RGPD2: variants seen among roughly 807,000 people sequenced by gnomAD.
RGPD2 encodes RANBP2-like and GRIP domain-containing protein 2.
Under a neutral mutation model 36.0 loss-of-function variants are expected in RGPD2, and 2 were observed. The ratio of observed to expected loss-of-function variants is 0.06; its 90% CI spans 0.02 to 0.17. The LOEUF (loss-of-function observed/expected upper bound fraction) is 0.17. Among genes scored for constraint, RGPD2 ranks in the 10% least tolerant of loss-of-function variants. The probability of loss-of-function intolerance (pLI) is 1.00; values close to 1 mark genes in which losing one functional copy is unlikely to be tolerated. For synonymous variants in RGPD2, 19 were observed against 163.8 expected (o/e 0.12, Z 6.75); for missense variants, 40 against 464.3 (o/e 0.09, Z 8.40).
chr2:87,830,295 G>A (rs570472255), upstream of RGPD2, among the ~76,000 whole-genome samples: 1 of 152,270 alleles, frequency 6.6e-6, no homozygotes, highest in African/African-American at 2.4e-5. Flanking sequence ...ACTTCTGCCT[G>A]GACATCCAGG....
the RGPD2 span, among the ~76,000 whole-genome samples, chr2:87,906,706 G>A: frequency 6.6e-6 from 1 of 150,422 alleles, no homozygotes; most frequent in Admixed American, 6.6e-5. Flanking sequence ...TAAATCACCT[G>A]CATATATTTC....
chr2:87,854,979 A>G, the RGPD2 span, among the ~76,000 whole-genome samples: 71 of 152,132 alleles, frequency 4.7e-4, no homozygotes, highest in African/African-American at 1.7e-3. Context: ...TTCCATAACC[A>G]CACATAGGTA....
At chr2:87,947,902 T>C in the RGPD2 span, among the ~76,000 whole-genome samples, 107 of 152,240 alleles carry the variant, frequency 7.0e-4, no homozygotes, top group African/African-American at 2.5e-3. Context: ...AAGGCAATCG[T>C]ATAATCTAAC....
intron 22 of RGPD2, among the ~76,000 whole-genome samples, chr2:87,762,342 C>T (rs2104232302): frequency 1.1e-5 from 1 of 91,910 alleles, no homozygotes; most frequent in South Asian, 4.0e-4. Context: ...AAGTTTGAGA[C>T]CAGTTTTGCC....
At chr2:87,831,178 A>G in the RGPD2 span, among the ~76,000 whole-genome samples, 1 of 152,220 alleles carries the variant, frequency 6.6e-6, no homozygotes, top group African/African-American at 2.4e-5. Flanking sequence ...AACTTAGGCC[A>G]TATAAAATAT....
the RGPD2 span, among the ~76,000 whole-genome samples, chr2:87,878,144 T>G: frequency 6.6e-6 from 1 of 152,286 alleles, no homozygotes; most frequent in African/African-American, 2.4e-5. Context: ...CTATTCTCCC[T>G]ATCTCTTTCA....
the RGPD2 span, among the ~76,000 whole-genome samples, chr2:87,960,202 C>A: frequency 9.2e-5 from 14 of 151,938 alleles, no homozygotes; most frequent in East Asian, 2.1e-3. Flanking sequence ...ATGATTCAGT[C>A]TTCCTCACCA....
At chr2:87,885,974 T>C in the RGPD2 span, among the ~76,000 whole-genome samples, 1 of 151,926 alleles carries the variant, frequency 6.6e-6, no homozygotes, top group Admixed American at 6.6e-5. Flanking sequence ...GGTCACAGAA[T>C]CGTTCTTTGT....
At chr2:87,880,971 C>G in the RGPD2 span, among the ~76,000 whole-genome samples, 1 of 144,598 alleles carries the variant, frequency 6.9e-6, no homozygotes, top group Non-Finnish European at 1.5e-5. Context: ...AAGAAATCAG[C>G]CAAAGGGAAG....
the RGPD2 span, among the ~76,000 whole-genome samples, chr2:87,915,385 G>A: frequency 2.9e-4 from 32 of 109,034 alleles, 1 homozygote; most frequent in Non-Finnish European, 3.2e-4. Context: ...TATATATATT[G>A]TATATATATG....
At chr2:87,860,326 A>G in the RGPD2 span, among the ~76,000 whole-genome samples, 1 of 151,962 alleles carries the variant, frequency 6.6e-6, no homozygotes, top group African/African-American at 2.4e-5. Flanking sequence ...CAGAAAGGGC[A>G]GGTAAATATC....
At chr2:87,837,073 C>T in the RGPD2 span, among the ~76,000 whole-genome samples, 1 of 151,988 alleles carries the variant, frequency 6.6e-6, no homozygotes, top group African/African-American at 2.4e-5. Context: ...CCCCCAGATT[C>T]ATCAAACAAG....
the RGPD2 span, among the ~76,000 whole-genome samples, chr2:87,983,207 CT>C: frequency 2.2e-4 from 34 of 152,290 alleles, no homozygotes; most frequent in East Asian, 6.4e-3. Context: ...GTAATCCCAG[CT>C]ACTCGGGAGG....
chr2:87,957,236 T>TTG, the RGPD2 span, among the ~76,000 whole-genome samples: 7 of 116,242 alleles, frequency 6.0e-5, no homozygotes, highest in East Asian at 1.7e-3. Flanking sequence ...ACAAGGTCAC[T>TTG]GGGGGGGGGC....
chr2:87,940,905 G>A, the RGPD2 span, among the ~76,000 whole-genome samples: 44 of 151,828 alleles, frequency 2.9e-4, no homozygotes, highest in African/African-American at 1.0e-3. Flanking sequence ...GTCATTTTCT[G>A]CCATTTATCT....
the RGPD2 span, among the ~76,000 whole-genome samples, chr2:87,860,711 T>C: frequency 6.6e-6 from 1 of 152,180 alleles, no homozygotes; most frequent in Non-Finnish European, 1.5e-5. Flanking sequence ...GTGTAATGTG[T>C]GATGTGCAAA....
the RGPD2 span, among the ~76,000 whole-genome samples, chr2:87,866,039 A>AT: frequency 4.6e-5 from 5 of 108,962 alleles, no homozygotes; most frequent in Non-Finnish European, 5.8e-5. Flanking sequence ...GAGATACTTT[A>AT]TTTTTTTGTC....
chr2:87,818,020 TAAAAAAAA>T (rs1175812254), intron 2 of RGPD2, among the ~76,000 whole-genome samples: 1 of 65,334 alleles, frequency 1.5e-5, no homozygotes, highest in East Asian at 9.8e-4. Context: ...AGATACTGAC[TAAAAAAAA>T]AAAAAAAAAA....
chr2:87,847,420 A>T, the RGPD2 span, among the ~76,000 whole-genome samples: 1 of 151,846 alleles, frequency 6.6e-6, no homozygotes, highest in African/African-American at 2.4e-5. Context: ...ATTTCTTGAA[A>T]GTATGGAGAT....
Sources: allele counts gnomAD v4.1 joint callset (sites outside exome capture counted in the v4.1 genomes callset), GRCh38; gene constraint gnomAD v4.1.1; transcripts MANE v1.5; gene names NCBI Gene and HGNC (gene_info 2026-07-23, HGNC 2026-07-21).